The following TAF1C variants were observed in gnomAD, a reference collection of about 807,000 sequenced individuals.
TAF1C encodes the protein TATA-box binding protein associated factor, RNA polymerase I subunit C.
Under a neutral mutation model 70.5 loss-of-function variants are expected in TAF1C, and 79 were observed. That is an observed-to-expected ratio of 1.12 (90% CI 0.93 to 1.35). TAF1C has a LOEUF of 1.35. Among genes scored for constraint, TAF1C ranks in the 40% most tolerant of loss-of-function variants. The probability of loss-of-function intolerance (pLI) is 0.00; values close to 1 mark genes in which losing one functional copy is unlikely to be tolerated. For missense variants in TAF1C, 1,412 were observed against 1,127.8 expected, an observed-to-expected ratio of 1.25 and a Z score of -3.61; for synonymous variants, 614 against 491.1, an observed-to-expected ratio of 1.25 and a Z score of -3.31.
chr16:84,179,898 G>A (rs1361423533), intron 14 of TAF1C, 47 bp from the exon 15 acceptor site: 25 of 1,609,076 alleles, frequency 1.6e-5, no homozygotes, highest in Non-Finnish European at 2.1e-5. Context: ...CGGGGGGAGG[G>A]GATGTTTTCC....
intron 2 of TAF1C, among the ~76,000 whole-genome samples, chr16:84,184,122 C>G (rs926613615): frequency 3.9e-5 from 6 of 152,210 alleles, no homozygotes; most frequent in African/African-American, 1.4e-4. Flanking sequence ...ATTCAGGAGA[C>G]CTTGCAGTCA....
Position 84,181,780 on chromosome 16 carries a change from G to C in TAF1C, c.922C>G (p.Gln308Glu). ...QWQPTLLQAM[Q>E]VEKGATGISL... ...ATCCCCGTGGCCCCTTTCTCCACCT[G>C]CATTGCCTGCAGAAGGGTTGGCTGC... Residue 308 changes from glutamine (Q) to glutamate (E), a missense_variant, in exon 9 of 15, where the codon CAG (glutamine) becomes GAG (glutamate). Physicochemically the swap from Gln to Glu is conservative, Grantham distance 29. Transcript: ENST00000566732. The C allele has an allele frequency of 6.2e-7, 1 of 1,614,094 alleles. No individual in the cohort carries two copies. The highest frequency in any genetic ancestry group is 8.5e-7 in the Non-Finnish European group (1 of 1,179,986).
At position 84,179,582 on chromosome 16, in the gene TAF1C, T is replaced by C. The variant is rs1276225201; in HGVS notation, c.1891A>G (p.Thr631Ala). The C allele has an allele frequency of 6.2e-7, 1 of 1,612,582 alleles. No individual in the cohort carries two copies. Among genetic ancestry groups the C allele is most frequent in the Admixed American group, 1.7e-5 (1 of 60,020 alleles). ...CCCAGCATCTGGCGGTGGGTGAAGG[T>C]GGGTGCTGTCCACACAGGAGGAGCC... ...PLAPPVWTAP[T>A]FTHRQMLGST... The change falls in exon 15 of 15, where the codon ACC becomes GCC. Residue 631 changes from threonine (T) to alanine (A), a missense_variant. Transcript: ENST00000566732.
rs1244864546 is a variant in TAF1C at position 84,179,777 on chromosome 16, C to T, written c.1696G>A (p.Gly566Arg). 4 of 1,609,296 alleles carry T rather than the reference C, an allele frequency of 2.5e-6. No individual in the cohort carries two copies. Among genetic ancestry groups the T allele is most frequent in the Non-Finnish European group, 3.4e-6 (4 of 1,178,598 alleles). The change falls in exon 15 of 15, where the codon GGA (glycine) becomes AGA (arginine). Residue 566 changes from glycine (G) to arginine (R), a missense_variant. Gly to Arg is a moderately radical substitution (Grantham distance 125). Coordinates refer to ENST00000566732, the MANE Select transcript of TAF1C (RefSeq NM_001243156.2). ...CGGAGCTGCTGGTAGAAGACATCTC[C>T]CGCCGCCGAGAGCTGGAAGAGCACC... The part of the protein sequence containing the change: ...GLVLFQLSAA[G>R]DVFYQQLRPQ...
rs771648578 is a variant in TAF1C, at chr16:84,178,352, C to G, written c.*589G>C. 64 of 456,792 alleles carry G rather than the reference C, an allele frequency of 1.4e-4. No individual in the cohort carries two copies. The highest frequency in any genetic ancestry group is 9.6e-4 in the South Asian group (62 of 64,570). 28.3% of individuals were successfully genotyped at this position (456,792 alleles called of 1,614,324 possible). A position where few individuals can be genotyped will look rare whatever the true frequency, so the allele number is the denominator to read the frequency against. On this transcript the variant is annotated 3_prime_UTR_variant, in exon 15 of 15. Coordinates refer to ENST00000566732, the MANE Select transcript of TAF1C (RefSeq NM_001243156.2). ...GGTAGTAGCTGTGGCGGGACGCTGT[C>G]CAGCCTAAAAAACGTGACCATTCCA...
rs769011926 is a variant in TAF1C, at chr16:84,181,653, G to A, written c.967C>T (p.Pro323Ser). The A allele has an allele frequency of 1.2e-5, 19 of 1,613,900 alleles. No homozygotes were observed. In the South Asian group the frequency reaches 1.4e-4, roughly 12 times the overall value. The change falls in exon 10 of 15, where the codon CCC becomes TCC. Residue 323 changes from proline to serine, a missense_variant. Coordinates refer to ENST00000566732, the MANE Select transcript of TAF1C (RefSeq NM_001243156.2). ...ATGISLSPHLPGELAICSRSG... is the reference protein window; with the variant it reads ...ATGISLSPHLSGELAICSRSG... Reference sequence around the variant, plus strand: ...CGGCTGCAGATGGCCAGCTCCCCGGGCAGGTGAGGGCTACAGGGCAGGAAT... The same window carrying A: ...CGGCTGCAGATGGCCAGCTCCCCGGACAGGTGAGGGCTACAGGGCAGGAAT...
intron 12 of TAF1C, 192 bp downstream of exon 12, chr16:84,180,850 GA>G (rs2151300328): frequency 7.1e-7 from 1 of 1,408,368 alleles, no homozygotes; most frequent in Admixed American, 2.9e-5. Context: ...GAGGCCCTGG[GA>G]GAGCTTCCCC....
In TAF1C at chr16:84,181,180, G is replaced by A. The variant is rs763209887; in HGVS notation, c.1171C>T (p.Pro391Ser). 2.4e-5 allele frequency: 39 copies of A among 1,607,454 alleles called. No homozygotes were observed. Among genetic ancestry groups the A allele is most frequent in the Non-Finnish European group, 3.1e-5 (36 of 1,174,830 alleles). ...GVKMLDTQGP[P>S]GCGLLLFRLG... ...CGAAAAAGCAACAGACCACAGCCCGGCGGGCCCTGGAAGATAAACACAGGG... is the reference window on the plus strand; with the variant it reads ...CGAAAAAGCAACAGACCACAGCCCGACGGGCCCTGGAAGATAAACACAGGG... Residue 391 changes from proline (P) to serine (S), a missense_variant, in exon 12 of 15, where the codon CCG (proline) becomes TCG (serine). Physicochemically the swap from Pro to Ser is moderately conservative, Grantham distance 74. Transcript: ENST00000566732.
At position 84,180,657 on chromosome 16, in the gene TAF1C, G is replaced by A. The variant is rs967178628; in HGVS notation, c.1309-313C>T. On this transcript the variant is annotated intron_variant, in intron 12 of 14. Coordinates refer to ENST00000566732, the MANE Select transcript of TAF1C (RefSeq NM_001243156.2). ...GCAGCCACCCCCACTCTCCTGACCC[G>A]GGAGCCTGTGCTCGAGGCACGCCTA... The A allele has an allele frequency of 6.4e-5, 44 of 691,826 alleles. 1 individual carries two copies. Among genetic ancestry groups the A allele is most frequent in the African/African-American group, 9.3e-5 (5 of 53,488 alleles). The allele number at this position is 691,826 out of a possible 1,614,324, so 42.9% of individuals were successfully genotyped here. A position where few individuals can be genotyped will look rare whatever the true frequency, so the allele number is the denominator to read the frequency against.
Position 84,180,329 on chromosome 16 carries a change from CTAGGTAGAGA to C in TAF1C, c.1314_1323del (p.Leu439TrpfsTer11), listed in dbSNP as rs1391408142. On this transcript the variant is annotated frameshift_variant, in exon 13 of 15. Transcript: ENST00000566732. LOFTEE classifies it high-confidence loss of function. ...GGCACCAGGGGAAGGCGCTCGTCCA[CTAGGTAGAGA>C]GAGAACTGGGGCCCGAGAAGGAAGG... 1.3e-6 allele frequency: 2 copies of C among 1,544,678 alleles called. No homozygotes were observed. Among genetic ancestry groups the C allele is most frequent in the Non-Finnish European group, 1.7e-6 (2 of 1,146,820 alleles).
chr16:84,180,095 C>CA lies in TAF1C; in HGVS notation c.1484-13dup. The CA allele has an allele frequency of 6.3e-7, 1 of 1,588,020 alleles. No homozygotes were observed. The highest frequency in any genetic ancestry group is 8.6e-7 in the Non-Finnish European group (1 of 1,169,454). ...CGACGCCCCTTCTCCTGAGGAAGGA[C>CA]AGACAGCTGAGGCCCTGTCCAGGCC... is the stretch of plus-strand genomic sequence containing the variant. On this transcript the variant is annotated splice_polypyrimidine_tract_variant and intron_variant, in intron 13 of 14. Transcript: ENST00000566732.
In TAF1C at chr16:84,181,730, A is replaced by G. The variant is rs759863851; in HGVS notation, c.956+16T>C. 2.5e-6 allele frequency: 4 copies of G among 1,613,818 alleles called. No homozygotes were observed. The highest frequency in any genetic ancestry group is 2.2e-5 in the South Asian group (2 of 91,066). On this transcript the variant is annotated intron_variant, in intron 9 of 14. Transcript: ENST00000566732. ...GCCTCCAGCCCCTCCTCACCGACCA[A>G]CCTGACCCCCCTCACCTGAGGCTGA...
intron 2 of TAF1C, among the ~76,000 whole-genome samples, chr16:84,184,097 C>T (rs1039882174): frequency 1.3e-5 from 2 of 152,216 alleles, no homozygotes; most frequent in East Asian, 1.9e-4. Flanking sequence ...CCACATCTCA[C>T]GTAACCTCAC....
chr16:84,179,105 G>A lies in TAF1C; in HGVS notation c.2368C>T (p.Arg790Cys), dbSNP rs767404676. The change falls in exon 15 of 15, where the codon CGT becomes TGT. Residue 790 changes from arginine (R) to cysteine (C), a missense_variant. Physicochemically the swap from Arg to Cys is radical, Grantham distance 180. Coordinates refer to ENST00000566732, the MANE Select transcript of TAF1C (RefSeq NM_001243156.2). ...GGTGGTAGCTTGGCCATGTAGTCAC[G>A]GAGCATCTGCCGCTGCTCTGATGGG... ...GVPSEQRQML[R>C]DYMAKLPPQR... 2.4e-5 allele frequency: 39 copies of A among 1,609,440 alleles called. No homozygotes were observed. The highest frequency in any genetic ancestry group is 1.3e-4 in the East Asian group (6 of 44,812).
rs773365215 is a variant in TAF1C at position 84,179,518 on chromosome 16, C to T, written c.1955G>A (p.Arg652Gln). The change falls in exon 15 of 15, where the codon CGG becomes CAG. Residue 652 changes from arginine (R) to glutamine (Q), a missense_variant. By Grantham distance (43) the Arg-to-Gln change is conservative. Transcript: ENST00000566732. ...ELRREEEEGQRLGVLRKAMAR... is the reference protein window; with the variant it reads ...ELRREEEEGQQLGVLRKAMAR... ...CATGGCCTTGCGGAGCACACCCAGC[C>T]GCTGCCCTTCCTCTTCCTCCCTCCG... 8.1e-6 allele frequency: 13 copies of T among 1,604,530 alleles called. No homozygotes were observed. The highest frequency in any genetic ancestry group is 2.2e-5 in the South Asian group (2 of 90,976).
intron 6 of TAF1C, 46 bp downstream of exon 6, chr16:84,183,030 C>G: frequency 6.2e-7 from 1 of 1,601,784 alleles, no homozygotes; most frequent in South Asian, 1.1e-5. Flanking sequence ...ACATCCCCAC[C>G]ACCAGCTATG....
At chr16:84,186,428 C>T (rs1374884759) in intron 1 of TAF1C, among the ~76,000 whole-genome samples, 1 of 152,160 alleles carries the variant, frequency 6.6e-6, no homozygotes, top group Non-Finnish European at 1.5e-5. Flanking sequence ...GTGGTGTACA[C>T]CTGTAATCGC....
rs199764295 is a variant in TAF1C, at chr16:84,179,409, C to A, written c.2064G>T (p.Glu688Asp). Residue 688 changes from glutamate (E) to aspartate (D), a missense_variant, in exon 15 of 15, where the codon GAG becomes GAT. Physicochemically the swap from Glu to Asp is conservative, Grantham distance 45. Transcript: ENST00000566732. ...EPPPAPESGL[E>D]DKLSERLGEA... is the part of the protein sequence containing the mutation. ...CCCCCAGGCGCTCACTGAGCTTGTC[C>A]TCTAGGCCTGACTCGGGTGCAGGGG... 1.3e-6 allele frequency: 2 copies of A among 1,597,894 alleles called. No homozygotes were observed. Among genetic ancestry groups the A allele is most frequent in the African/African-American group, 2.7e-5 (2 of 74,866 alleles).
intron 5 of TAF1C, 35 bp downstream of exon 5, chr16:84,183,209 G>C (rs1321722222): frequency 6.2e-7 from 1 of 1,613,976 alleles, no homozygotes; most frequent in Admixed American, 1.7e-5. Context: ...AAGGACAGCA[G>C]GGAGTCCCCA....
Sources: gnomAD v4.1 joint callset for allele counts (sites outside exome capture counted in the v4.1 genomes callset) on GRCh38, gnomAD v4.1.1 for gene constraint, MANE v1.5 for transcripts, NCBI Gene and HGNC (gene_info 2026-07-23, HGNC 2026-07-21) for gene names.